The following FMN2 variants were observed in gnomAD, a reference collection of about 807,000 sequenced individuals.
FMN2 encodes the protein formin 2.
A neutral mutation model predicts 142.3 loss-of-function variants in FMN2; 51 were observed. The observed-to-expected ratio is 0.36, with a 90% CI of 0.29 to 0.45. FMN2 has a LOEUF of 0.45. Among genes scored for constraint, FMN2 ranks in the 20% least tolerant of loss-of-function variants. FMN2 has a pLI of 1.00. For missense variants in FMN2, 1,936 were observed against 2,122.8 expected, an observed-to-expected ratio of 0.91 and a Z score of 1.73; for synonymous variants, 882 against 869.8, an observed-to-expected ratio of 1.01 and a Z score of -0.25.
rs1320410320 is a variant in FMN2, at chr1:240,159,994, CACACAT to C, written c.1783-17921_1783-17916del. On this transcript the variant is annotated intron_variant, in intron 2 of 17. Transcript: ENST00000319653. ...ATATATACACACACACACACACACA[CACACAT>C]ACACACATATTCTTTTGGTCTTCAG... is the stretch of plus-strand genomic sequence containing the variant. Among the ~76,000 whole-genome samples, 1,130 of 146,372 alleles carry C rather than the reference CACACAT, an allele frequency of 7.7e-3. 19 individuals carry two copies. Among genetic ancestry groups the C allele is most frequent in the African/African-American group, 0.027 (1,091 of 39,966 alleles).
chr1:240,137,109 C>G (rs1662976285), intron 2 of FMN2, among the ~76,000 whole-genome samples: 1 of 147,154 alleles, frequency 6.8e-6, no homozygotes, highest in Non-Finnish European at 1.5e-5. Context: ...GACTCTATGG[C>G]AAAGTGAAGG....
chr1:240,123,180 G>A lies in FMN2; in HGVS notation c.1617G>A (p.Gly539=). 1.2e-6 allele frequency: 2 copies of A among 1,614,118 alleles called. No individual in the cohort carries two copies. Among genetic ancestry groups the A allele is most frequent in the Non-Finnish European group, 1.7e-6 (2 of 1,180,010 alleles). The change falls in exon 2 of 18, where the codon GGG becomes GGA. Residue 539 remains glycine, a splice_region_variant and synonymous_variant. Transcript: ENST00000319653. ...AADGFQNVFT[G]RTLLEKLFSQ... ...TTAATGACTGTGTTTCATCTGCAGG[G>A]CGAACGCTGTTGGAGAAGCTGTTCA...
At chr1:240,101,851 G>A (rs1457937603) in intron 1 of FMN2, among the ~76,000 whole-genome samples, 1 of 151,880 alleles carries the variant, frequency 6.6e-6, no homozygotes, top group African/African-American at 2.4e-5. Flanking sequence ...GAAATGGAAA[G>A]CTATGTTATA....
At chr1:240,426,853 C>T (rs1674954050) in intron 15 of FMN2, among the ~76,000 whole-genome samples, 1 of 151,990 alleles carries the variant, frequency 6.6e-6, no homozygotes, top group South Asian at 2.1e-4. Context: ...CTCCTCCTGC[C>T]TCAGCCTCCC....
rs1360325013 is a variant in FMN2, at chr1:240,294,892, T to C, written c.4215+9T>C. On this transcript the variant is annotated intron_variant, in intron 8 of 17. Coordinates refer to ENST00000319653, the MANE Select transcript of FMN2 (RefSeq NM_020066.5). Reference sequence around the variant, plus strand: ...AAGCTCTCTATGAGAATGTGAGTAATAGAAGGAATTTTATGTGTGAGTATA... The same window carrying C: ...AAGCTCTCTATGAGAATGTGAGTAACAGAAGGAATTTTATGTGTGAGTATA... The C allele has an allele frequency of 5.6e-6, 9 of 1,611,286 alleles. No individual in the cohort carries two copies. The highest frequency in any genetic ancestry group is 6.8e-6 in the Non-Finnish European group (8 of 1,177,626).
At chr1:240,099,194 A>T (rs1661324397) in intron 1 of FMN2, among the ~76,000 whole-genome samples, 1 of 152,198 alleles carries the variant, frequency 6.6e-6, no homozygotes, top group African/African-American at 2.4e-5. Flanking sequence ...ATCTTAAAAA[A>T]AAAGTCATTG....
At chr1:240,462,609 A>G (rs12060688) in intron 16 of FMN2, among the ~76,000 whole-genome samples, 4,657 of 152,290 alleles carry the variant, frequency 0.031, 215 homozygotes, top group African/African-American at 0.11. Flanking sequence ...TCGTCGTTTT[A>G]CTGTGCATCA....
At chr1:240,340,596 G>T (rs916947095) in intron 13 of FMN2, among the ~76,000 whole-genome samples, 2 of 151,940 alleles carry the variant, frequency 1.3e-5, no homozygotes, top group Non-Finnish European at 2.9e-5. Flanking sequence ...GAAAAAAATT[G>T]TTCCCCCTTG....
At chr1:240,219,895 G>A (rs1274822992) in intron 6 of FMN2, among the ~76,000 whole-genome samples, 2 of 152,168 alleles carry the variant, frequency 1.3e-5, no homozygotes, top group Non-Finnish European at 2.9e-5. Context: ...CTGGGCTCAG[G>A]CAATCTTCCT....
At chr1:240,419,979 G>A (rs1181210055) in intron 15 of FMN2, among the ~76,000 whole-genome samples, 2 of 152,100 alleles carry the variant, frequency 1.3e-5, no homozygotes, top group African/African-American at 2.4e-5. Context: ...TGAGAGTCAG[G>A]CCTCCTTGGC....
chr1:240,347,636 C>T (rs1386971099), intron 13 of FMN2, among the ~76,000 whole-genome samples: 5 of 152,166 alleles, frequency 3.3e-5, no homozygotes, highest in African/African-American at 1.2e-4. Context: ...ATGATCCCCT[C>T]ACTCAGGTAG....
At chr1:240,132,797 G>C (rs1662794128) in intron 2 of FMN2, among the ~76,000 whole-genome samples, 1 of 152,132 alleles carries the variant, frequency 6.6e-6, no homozygotes, top group African/African-American at 2.4e-5. Context: ...GCGGTATGAG[G>C]GAGGATTGGA....
At chr1:240,198,348 G>C (rs567788099) in intron 4 of FMN2, among the ~76,000 whole-genome samples, 1 of 151,918 alleles carries the variant, frequency 6.6e-6, no homozygotes, top group Non-Finnish European at 1.5e-5. Context: ...CCTTCCCATC[G>C]TATCAGCTCC....
At chr1:240,264,332 A>T (rs1376859697) in intron 7 of FMN2, among the ~76,000 whole-genome samples, 1 of 152,166 alleles carries the variant, frequency 6.6e-6, no homozygotes, top group Non-Finnish European at 1.5e-5. Flanking sequence ...CAAAAAGAGA[A>T]CCGGTATTGG....
chr1:240,109,907 G>T (rs772390000), intron 1 of FMN2, among the ~76,000 whole-genome samples: 1 of 152,010 alleles, frequency 6.6e-6, no homozygotes, highest in African/African-American at 2.4e-5. Flanking sequence ...GTTTTCTTCA[G>T]CTTGTCTTCC....
intron 13 of FMN2, among the ~76,000 whole-genome samples, chr1:240,343,449 C>A (rs928082490): frequency 6.6e-6 from 1 of 152,192 alleles, no homozygotes; most frequent in African/African-American, 2.4e-5. Flanking sequence ...ACAAACACCG[C>A]CTCCTTTTGG....
intron 2 of FMN2, among the ~76,000 whole-genome samples, chr1:240,159,141 A>G (rs960902089): frequency 6.6e-6 from 1 of 151,934 alleles, no homozygotes; most frequent in African/African-American, 2.4e-5. Flanking sequence ...AGAAATTTTA[A>G]TTGGTTTGCT....
At chr1:240,453,110 G>A (rs1304895885) in intron 16 of FMN2, among the ~76,000 whole-genome samples, 1 of 152,126 alleles carries the variant, frequency 6.6e-6, no homozygotes, top group African/African-American at 2.4e-5. Flanking sequence ...TAAATTAAAG[G>A]AGACACAGAG....
intron 6 of FMN2, among the ~76,000 whole-genome samples, chr1:240,236,321 C>A (rs530761399): frequency 6.6e-6 from 1 of 152,172 alleles, no homozygotes; most frequent in African/African-American, 2.4e-5. Flanking sequence ...CTCTCACTCT[C>A]GCCATGCCTT....
Sources: gnomAD v4.1 joint callset for allele counts (sites outside exome capture counted in the v4.1 genomes callset) on GRCh38, gnomAD v4.1.1 for gene constraint, MANE v1.5 for transcripts, NCBI Gene and HGNC (gene_info 2026-07-23, HGNC 2026-07-21) for gene names.